The following ARHGAP6 variants were observed in gnomAD, a reference collection of about 807,000 sequenced individuals.
ARHGAP6 encodes rho GTPase-activating protein 6.
In ARHGAP6, 16 loss-of-function variants were observed where a neutral mutation model predicts 55.7. The ratio of observed to expected loss-of-function variants is 0.29; its 90% CI spans 0.19 to 0.44. The LOEUF is 0.44. ARHGAP6 is among the 20% of genes least tolerant of loss of function. The pLI is 1.00. For synonymous variants in ARHGAP6, 382 were observed against 360.9 expected (o/e 1.06, Z -0.66); for missense variants, 698 against 808.9 (o/e 0.86, Z 1.66).
intron 1 of ARHGAP6, among the ~76,000 whole-genome samples, chrX:11,611,507 T>C (rs1181748610): frequency 8.9e-6 from 1 of 111,821 alleles, no homozygotes. Flanking sequence ...GGACAAAAGA[T>C]GTAGTTGCTA....
At chrX:11,210,245 G>T (rs139152405) in intron 2 of ARHGAP6, among the ~76,000 whole-genome samples, 104 of 112,636 alleles carry the variant, frequency 9.2e-4, no homozygotes, top group Non-Finnish European at 1.7e-3. Flanking sequence ...CCTCTTCACT[G>T]CCTGCCAGTT....
chrX:11,171,593 T>G (rs1425939046), intron 8 of ARHGAP6, among the ~76,000 whole-genome samples: 11 of 112,267 alleles, frequency 9.8e-5, no homozygotes, highest in South Asian at 3.6e-4. Flanking sequence ...TTTTTAGGAG[T>G]AAATTCCTAC....
rs889261749 is a variant in ARHGAP6 at position 11,232,392 on chromosome X, C to T, written c.748+22156G>A. 7.2e-5 allele frequency among the ~76,000 whole-genome samples: 8 copies of T among 110,488 alleles called. No homozygotes were observed. The South Asian group carries it at 1.9e-3, about 27-fold the overall frequency. On this transcript the variant is annotated intron_variant, in intron 2 of 12. Coordinates refer to ENST00000337414, the MANE Select transcript of ARHGAP6 (RefSeq NM_013427.3). ...TCCCAGCACTTTGGGAGGCTGAGGCCGGCAGATCACCTGAGGCCAAGAGTT... is the reference window on the plus strand; with the variant it reads ...TCCCAGCACTTTGGGAGGCTGAGGCTGGCAGATCACCTGAGGCCAAGAGTT...
intron 2 of ARHGAP6, among the ~76,000 whole-genome samples, chrX:11,212,573 A>C (rs2046819147): frequency 8.9e-6 from 1 of 112,364 alleles, no homozygotes; most frequent in Non-Finnish European, 1.9e-5. Flanking sequence ...GCCCCTGCAG[A>C]TATCACACTG....
intron 10 of ARHGAP6, among the ~76,000 whole-genome samples, chrX:11,151,747 C>G (rs2045782319): frequency 8.9e-6 from 1 of 112,252 alleles, no homozygotes; most frequent in Admixed American, 9.4e-5. Flanking sequence ...GTTTTACACT[C>G]TTTTGAAACT....
chrX:11,463,821 A>C (rs2050268072), intron 1 of ARHGAP6, among the ~76,000 whole-genome samples: 1 of 112,429 alleles, frequency 8.9e-6, no homozygotes, highest in Non-Finnish European at 1.9e-5. Flanking sequence ...AACCGCATTT[A>C]GTGTTCGAAG....
At chrX:11,368,504 C>T (rs1034156860) in intron 1 of ARHGAP6, among the ~76,000 whole-genome samples, 1 of 111,942 alleles carries the variant, frequency 8.9e-6, no homozygotes, top group African/African-American at 3.2e-5. Context: ...TCTAAAATAG[C>T]ATTCTTATTC....
intron 10 of ARHGAP6, among the ~76,000 whole-genome samples, chrX:11,149,710 T>A (rs2045747970): frequency 8.9e-6 from 1 of 112,200 alleles, no homozygotes. Flanking sequence ...CTTTGAAAGA[T>A]TAAAAGAAAT....
intron 1 of ARHGAP6, among the ~76,000 whole-genome samples, chrX:11,476,658 A>G (rs957990190): frequency 6.3e-5 from 7 of 111,449 alleles, no homozygotes; most frequent in African/African-American, 2.3e-4. Flanking sequence ...GGGACAGAAT[A>G]GAGAATCCAC....
At chrX:11,213,070 C>T (rs1418033549) in intron 2 of ARHGAP6, among the ~76,000 whole-genome samples, 1 of 112,704 alleles carries the variant, frequency 8.9e-6, no homozygotes, top group African/African-American at 3.2e-5. Flanking sequence ...TCCAGCTCCT[C>T]ATCCTGGCAA....
intron 2 of ARHGAP6, among the ~76,000 whole-genome samples, chrX:11,251,558 C>T (rs1157575252): frequency 8.9e-6 from 1 of 112,307 alleles, no homozygotes; most frequent in Admixed American, 9.4e-5. Context: ...AAATAAATCC[C>T]TATGATCATC....
intron 1 of ARHGAP6, among the ~76,000 whole-genome samples, chrX:11,391,567 G>A (rs2049406872): frequency 8.9e-6 from 1 of 112,135 alleles, no homozygotes; most frequent in Non-Finnish European, 1.9e-5. Flanking sequence ...ATTTCCACGT[G>A]CTTGATAGTC....
chrX:11,241,571 T>TGTGTGCGC (rs1555975316), intron 2 of ARHGAP6, among the ~76,000 whole-genome samples: 9 of 101,995 alleles, frequency 8.8e-5, no homozygotes, highest in Middle Eastern at 5.1e-3. Context: ...TGTGTGTGTG[T>TGTGTGCGC]GTGCGCGTGT....
At chrX:11,433,966 C>T (rs2147791267) in intron 1 of ARHGAP6, among the ~76,000 whole-genome samples, 1 of 111,941 alleles carries the variant, frequency 8.9e-6, no homozygotes, top group South Asian at 3.8e-4. Context: ...CAAATCAGGC[C>T]CATTCATTAG....
At chrX:11,155,487 A>AG (rs780310176) in intron 10 of ARHGAP6, among the ~76,000 whole-genome samples, 29 of 110,343 alleles carry the variant, frequency 2.6e-4, no homozygotes, top group African/African-American at 8.3e-4. Flanking sequence ...TTTAGTAGAG[A>AG]GGGGGTTTAG....
chrX:11,484,092 T>C (rs1223943111), intron 1 of ARHGAP6, among the ~76,000 whole-genome samples: 1 of 112,001 alleles, frequency 8.9e-6, no homozygotes, highest in Non-Finnish European at 1.9e-5. Flanking sequence ...ACCTAGAGAA[T>C]AAGGTATTCC....
chrX:11,347,800 T>C lies in ARHGAP6; in HGVS notation c.589-93093A>G, dbSNP rs1008975299. Among the ~76,000 whole-genome samples the C allele has an allele frequency of 4.5e-5, 5 of 111,727 alleles. No homozygotes were observed. In the Admixed American group the frequency reaches 4.7e-4, roughly 11 times the overall value. ...CATTCAACATGCATTTGGGACACTA[T>C]ACTGGCTACTACCATTAATAGAAAC... On this transcript the variant is annotated intron_variant, in intron 1 of 12. Coordinates refer to ENST00000337414, the MANE Select transcript of ARHGAP6 (RefSeq NM_013427.3).
At chrX:11,421,801 G>C (rs1245830887) in intron 1 of ARHGAP6, among the ~76,000 whole-genome samples, 1 of 111,917 alleles carries the variant, frequency 8.9e-6, no homozygotes, top group Non-Finnish European at 1.9e-5. Flanking sequence ...CTTTTTCAAA[G>C]GATTGATTCC....
chrX:11,168,212 C>T (rs2046042241), intron 9 of ARHGAP6, among the ~76,000 whole-genome samples: 1 of 112,324 alleles, frequency 8.9e-6, no homozygotes, highest in Non-Finnish European at 1.9e-5. Context: ...GTCCACTTAA[C>T]ACCTGATTAA....
Sources: allele counts gnomAD v4.1 joint callset (sites outside exome capture counted in the v4.1 genomes callset), GRCh38; gene constraint gnomAD v4.1.1; transcripts MANE v1.5; gene names NCBI Gene and HGNC (gene_info 2026-07-23, HGNC 2026-07-21).